The following EMILIN2 variants were observed in gnomAD, a reference collection of about 807,000 sequenced individuals.
The protein encoded by EMILIN2 is EMILIN-2.
Under a neutral mutation model 87.1 loss-of-function variants are expected in EMILIN2, and 71 were observed. The ratio of observed to expected loss-of-function variants is 0.82; its 90% confidence interval spans 0.67 to 0.99. The LOEUF (loss-of-function observed/expected upper bound fraction) is 0.99, where lower values mean the gene tolerates loss of function less well. Ranked by LOEUF, EMILIN2 falls within the 50% of genes least tolerant of loss-of-function variation. The pLI is 0.00. For missense variants in EMILIN2, 1,407 were observed against 1,371.8 expected, an observed-to-expected ratio of 1.03 and a Z score of -0.40; for synonymous variants, 581 against 563.4, an observed-to-expected ratio of 1.03 and a Z score of -0.44.
chr18:2,849,949 C>CA (rs559937838), intron 2 of EMILIN2, among the ~76,000 whole-genome samples: 1 of 152,066 alleles, frequency 6.6e-6, no homozygotes, highest in Admixed American at 6.6e-5. Context: ...TGTTTTGAGA[C>CA]AGAGTCTTAC....
intron 2 of EMILIN2, among the ~76,000 whole-genome samples, chr18:2,876,656 C>T (rs1275979454): frequency 6.7e-6 from 1 of 148,982 alleles, no homozygotes; most frequent in East Asian, 2.0e-4. Flanking sequence ...GTCCCAGCTA[C>T]TCGGGAGGCT....
chr18:2,896,053 CAG>C (rs1033729241), intron 4 of EMILIN2, among the ~76,000 whole-genome samples: 1 of 152,122 alleles, frequency 6.6e-6, no homozygotes, highest in Admixed American at 6.5e-5. Context: ...AAGCAGCCAA[CAG>C]GGGAGAAGAA....
intron 2 of EMILIN2, among the ~76,000 whole-genome samples, chr18:2,865,139 T>C (rs1259192223): frequency 2.0e-5 from 3 of 151,510 alleles, no homozygotes; most frequent in Non-Finnish European, 4.4e-5. Context: ...TCAAGGTTTT[T>C]AACTTCTTTG....
chr18:2,901,455 T>A (rs1367070790), intron 4 of EMILIN2, among the ~76,000 whole-genome samples: 2 of 152,224 alleles, frequency 1.3e-5, no homozygotes, highest in Non-Finnish European at 2.9e-5. Context: ...TAATAAAAGT[T>A]GAAATTGATG....
intron 7 of EMILIN2, among the ~76,000 whole-genome samples, chr18:2,910,624 G>C (rs1463277895): frequency 6.6e-6 from 1 of 152,072 alleles, no homozygotes; most frequent in African/African-American, 2.4e-5. Flanking sequence ...CACGCACTGT[G>C]AACAGGGCCT....
chr18:2,864,634 C>T (rs2076677511), intron 2 of EMILIN2, among the ~76,000 whole-genome samples: 1 of 152,200 alleles, frequency 6.6e-6, no homozygotes, highest in South Asian at 2.1e-4. Flanking sequence ...ACCTTTCTCT[C>T]TGGCTGCCCT....
At chr18:2,858,799 C>A (rs1356041613) in intron 2 of EMILIN2, among the ~76,000 whole-genome samples, 4 of 150,960 alleles carry the variant, frequency 2.6e-5, no homozygotes, top group African/African-American at 4.9e-5. Flanking sequence ...CCATGCCCGG[C>A]TAATTTTTGT....
At chr18:2,902,505 G>A (rs534414035) in intron 4 of EMILIN2, among the ~76,000 whole-genome samples, 1 of 152,216 alleles carries the variant, frequency 6.6e-6, no homozygotes, top group South Asian at 2.1e-4. Flanking sequence ...CTTCAGGAGT[G>A]GGTGCCGTTT....
chr18:2,871,165 G>T (rs2076717855), intron 2 of EMILIN2, among the ~76,000 whole-genome samples: 1 of 152,174 alleles, frequency 6.6e-6, no homozygotes, highest in South Asian at 2.1e-4. Context: ...GAACACTGTG[G>T]TTGGGAGTGT....
At chr18:2,869,619 A>T (rs559948828) in intron 2 of EMILIN2, among the ~76,000 whole-genome samples, 4 of 151,362 alleles carry the variant, frequency 2.6e-5, no homozygotes, top group African/African-American at 9.7e-5. Context: ...TTTTTTTGAG[A>T]TGGGATCTCA....
At chr18:2,865,531 G>T (rs755921629) in intron 2 of EMILIN2, among the ~76,000 whole-genome samples, 1 of 152,174 alleles carries the variant, frequency 6.6e-6, no homozygotes, top group Non-Finnish European at 1.5e-5. Flanking sequence ...AGCGGATATT[G>T]GTGAACAGCA....
At chr18:2,883,974 G>T (rs894092467) in intron 2 of EMILIN2, among the ~76,000 whole-genome samples, 4 of 151,962 alleles carry the variant, frequency 2.6e-5, no homozygotes, top group Admixed American at 6.6e-5. Flanking sequence ...TATTTTTTTT[G>T]AGTTGGAGTC....
intron 2 of EMILIN2, among the ~76,000 whole-genome samples, chr18:2,859,998 T>A (rs2076652268): frequency 6.6e-6 from 1 of 152,240 alleles, no homozygotes; most frequent in South Asian, 2.1e-4. Context: ...TGAAGTCAGA[T>A]AATGTGATGC....
intron 4 of EMILIN2, among the ~76,000 whole-genome samples, chr18:2,899,656 C>G (rs1174509532): frequency 1.3e-5 from 2 of 152,096 alleles, no homozygotes; most frequent in Non-Finnish European, 2.9e-5. Context: ...AGGCGCCCAC[C>G]ACCACGACCC....
At chr18:2,904,508 G>T (rs1364659992) in intron 4 of EMILIN2, among the ~76,000 whole-genome samples, 4 of 152,196 alleles carry the variant, frequency 2.6e-5, no homozygotes, top group Non-Finnish European at 5.9e-5. Context: ...CCTTCTGAAA[G>T]ATTTCCTTGA....
intron 4 of EMILIN2, among the ~76,000 whole-genome samples, chr18:2,896,835 G>A (rs1317754749): frequency 2.0e-5 from 3 of 152,054 alleles, no homozygotes; most frequent in Middle Eastern, 3.4e-3. Flanking sequence ...GATGGGGGTC[G>A]GGAGACAAAA....
rs554687515 is a variant in EMILIN2 at position 2,868,801 on chromosome 18, G to GA, written c.258-16162dup. 5.1e-4 allele frequency among the ~76,000 whole-genome samples: 77 copies of GA among 152,360 alleles called. No homozygotes were observed. In the South Asian group the frequency reaches 0.015, roughly 30 times the overall value. On this transcript the variant is annotated intron_variant, in intron 2 of 7. Coordinates refer to ENST00000254528, the MANE Select transcript of EMILIN2 (RefSeq NM_032048.3). ...GGAGACCGTGGAAAGAGGAGAGGGA[G>GA]AGGGAGAGGGAGACCAATTCTTCTT...
At position 2,847,572 on chromosome 18, in the gene EMILIN2, A is replaced by G. The variant is rs1034074447; in HGVS notation, c.135-237A>G. 4.9e-4 allele frequency among the ~76,000 whole-genome samples: 75 copies of G among 152,186 alleles called. No homozygotes were observed. Among genetic ancestry groups the G allele is most frequent in the Non-Finnish European group, 1.5e-4 (10 of 67,976 alleles). On this transcript the variant is annotated intron_variant, in intron 1 of 7. Transcript: ENST00000254528. This position sits in a 1 kb window ranked among gnomAD's most constrained non-coding sequence, Gnocchi z 4.5. Reference sequence around the variant, plus strand: ...TCCGAAAACGACTCCCAGGAATTCCATGAGCCCCTGGGACCATGGGTGCTT... The same window carrying G: ...TCCGAAAACGACTCCCAGGAATTCCGTGAGCCCCTGGGACCATGGGTGCTT...
In EMILIN2 at chr18:2,847,941, G is replaced by A. The variant is rs760413843; in HGVS notation, c.257+10G>A. 2 of 1,605,042 alleles carry A rather than the reference G, an allele frequency of 1.2e-6. No individual in the cohort carries two copies. Among genetic ancestry groups the A allele is most frequent in the Non-Finnish European group, 1.7e-6 (2 of 1,177,818 alleles). ...GTCCGTCGGCGCTGGTGTAAGTCCT[G>A]GAGCCGGGGAGCGGGCGGGGCGCGC... is the stretch of plus-strand genomic sequence containing the variant. On this transcript the variant is annotated intron_variant, in intron 2 of 7. Transcript: ENST00000254528. This position sits in a 1 kb window ranked among gnomAD's most constrained non-coding sequence, Gnocchi z 4.5.
Sources: allele counts gnomAD v4.1 joint callset (sites outside exome capture counted in the v4.1 genomes callset), GRCh38; gene constraint gnomAD v4.1.1; non-coding constraint Gnocchi (gnomAD v3.1); transcripts MANE v1.5; gene names NCBI Gene and HGNC (gene_info 2026-07-23, HGNC 2026-07-21).